Variants in IMMP2L observed in about 807,000 individuals in gnomAD.
IMMP2L encodes the protein inner mitochondrial membrane peptidase subunit 2, also known as mitochondrial inner membrane protease subunit 2.
A neutral mutation model predicts 19.3 loss-of-function variants in IMMP2L; 18 were observed. The ratio of observed to expected loss-of-function variants is 0.93; its 90% CI spans 0.64 to 1.38. The LOEUF is 1.38. Ranked by LOEUF, IMMP2L falls within the 40% of genes most tolerant of loss-of-function variation. The pLI, the probability that IMMP2L is intolerant of heterozygous loss-of-function variation, is 0.00. For missense variants in IMMP2L, 233 were observed against 218.2 expected, an observed-to-expected ratio of 1.07 and a Z score of -0.43; for synonymous variants, 76 against 73.0, an observed-to-expected ratio of 1.04 and a Z score of -0.21.
At chr7:110,845,322 G>A (rs799618) in intron 5 of IMMP2L, among the ~76,000 whole-genome samples, 91,793 of 151,858 alleles carry the variant, frequency 0.6, 29,473 homozygotes, top group East Asian at 0.85. Flanking sequence ...GAGCTTTTGA[G>A]AAGTATCAGC....
chr7:110,906,766 G>T (rs1812500851), intron 4 of IMMP2L, among the ~76,000 whole-genome samples: 1 of 152,006 alleles, frequency 6.6e-6, no homozygotes, highest in Non-Finnish European at 1.5e-5. Flanking sequence ...AGGGATACAT[G>T]AGTTAATATT....
At chr7:111,057,141 T>C (rs1212459894) in intron 3 of IMMP2L, among the ~76,000 whole-genome samples, 3 of 152,222 alleles carry the variant, frequency 2.0e-5, no homozygotes, top group Non-Finnish European at 4.4e-5. Context: ...TAACTAATTT[T>C]AAGATGCTCT....
At chr7:110,945,316 T>C (rs1817143691) in intron 4 of IMMP2L, among the ~76,000 whole-genome samples, 1 of 151,978 alleles carries the variant, frequency 6.6e-6, no homozygotes. Flanking sequence ...GAAGAATGGA[T>C]TGGCATGGGT....
intron 2 of IMMP2L, among the ~76,000 whole-genome samples, chr7:111,508,923 C>T (rs1845192655): frequency 6.6e-6 from 1 of 152,116 alleles, no homozygotes; most frequent in Non-Finnish European, 1.5e-5. Flanking sequence ...CATTTGGCTG[C>T]TTCCTGCCAC....
chr7:111,162,544 C>T (rs1468481341), intron 3 of IMMP2L, among the ~76,000 whole-genome samples: 1 of 151,974 alleles, frequency 6.6e-6, no homozygotes, highest in Admixed American at 6.6e-5. Flanking sequence ...ATATCCTCCA[C>T]AGGGATTCAT....
At chr7:110,964,993 G>C (rs1585482351) in intron 3 of IMMP2L, among the ~76,000 whole-genome samples, 1 of 152,044 alleles carries the variant, frequency 6.6e-6, no homozygotes, top group East Asian at 1.9e-4. Flanking sequence ...CCTTGAGTCA[G>C]AACCACACAG....
In IMMP2L at chr7:110,877,317, G is replaced by C. The variant is rs1809176469; in HGVS notation, c.408+9276C>G. Among the ~76,000 whole-genome samples the C allele has an allele frequency of 6.6e-6, 1 of 152,136 alleles. No homozygotes were observed. The highest frequency in any genetic ancestry group is 2.4e-5 in the African/African-American group (1 of 41,440). On this transcript the variant is annotated intron_variant, in intron 5 of 5. Transcript: ENST00000405709. This position sits in a 1 kb window ranked among gnomAD's most constrained non-coding sequence, Gnocchi z 4.0. ...CAAGGATGAGTTAGCTCCCATAGTT[G>C]CCTTGGCAAAGTTCACAGTCTTTTC... is the stretch of plus-strand genomic sequence containing the variant.
Position 111,433,274 on chromosome 7 carries a change from C to T in IMMP2L, c.239+53964G>A, listed in dbSNP as rs1000378546. Among the ~76,000 whole-genome samples the T allele has an allele frequency of 4.4e-4, 66 of 151,670 alleles. 3 individuals carry two copies. Among genetic ancestry groups the T allele is most frequent in the African/African-American group, 1.5e-3 (63 of 41,084 alleles). ...GGGGGAAACCACCCCAGTATTAGTC[C>T]GTTTTCACACTGCTGATAAAGACAT... On this transcript the variant is annotated intron_variant, in intron 3 of 5. Coordinates refer to ENST00000405709, the MANE Select transcript of IMMP2L (RefSeq NM_032549.4).
chr7:111,401,149 C>CA (rs1332867993), intron 3 of IMMP2L, among the ~76,000 whole-genome samples: 1 of 152,116 alleles, frequency 6.6e-6, no homozygotes, highest in African/African-American at 2.4e-5. Context: ...CCCAAAAACT[C>CA]AGCCTCTTGA....
At chr7:110,873,884 A>G (rs2129544123) in intron 5 of IMMP2L, among the ~76,000 whole-genome samples, 1 of 152,162 alleles carries the variant, frequency 6.6e-6, no homozygotes, top group Middle Eastern at 3.4e-3. Context: ...GGGGAGAAGT[A>G]GAAAAAATAA....
At chr7:111,554,041 G>A (rs997062178) in intron 1 of IMMP2L, among the ~76,000 whole-genome samples, 5 of 152,100 alleles carry the variant, frequency 3.3e-5, no homozygotes, top group Non-Finnish European at 7.4e-5. Context: ...AGGAATTCAA[G>A]AATCTAATCT....
intron 5 of IMMP2L, among the ~76,000 whole-genome samples, chr7:110,801,876 C>T (rs1239018430): frequency 1.3e-5 from 2 of 151,996 alleles, no homozygotes; most frequent in Admixed American, 1.3e-4. Flanking sequence ...GCCTTGTATG[C>T]CTATCTCTGT....
chr7:111,471,050 A>G (rs1475490173), intron 3 of IMMP2L, among the ~76,000 whole-genome samples: 2 of 152,002 alleles, frequency 1.3e-5, no homozygotes, highest in African/African-American at 4.8e-5. Flanking sequence ...ATGAAGAAAC[A>G]TTTGTATCGT....
At position 110,938,717 on chromosome 7, in the gene IMMP2L, T is replaced by C. The variant is rs561543841; in HGVS notation, c.305+24783A>G. Among the ~76,000 whole-genome samples, 156 of 152,248 alleles carry C rather than the reference T, an allele frequency of 1.0e-3. 8 individuals carry two copies. In the South Asian group the frequency reaches 0.032, roughly 31 times the overall value. On this transcript the variant is annotated intron_variant, in intron 4 of 5. Transcript: ENST00000405709. ...TATCCATGTAACAAAACTGCACTTT[T>C]ACCCCCTAAATCTACAAAACAATAC...
chr7:111,059,100 A>C (rs1793778136), intron 3 of IMMP2L, among the ~76,000 whole-genome samples: 1 of 151,996 alleles, frequency 6.6e-6, no homozygotes, highest in African/African-American at 2.4e-5. Context: ...CTCCTGCCTC[A>C]GCCTCCCAAG....
chr7:110,764,400 C>A (rs1210966438), intron 5 of IMMP2L, among the ~76,000 whole-genome samples: 1 of 151,846 alleles, frequency 6.6e-6, no homozygotes, highest in Non-Finnish European at 1.5e-5. Flanking sequence ...ATATATGAGT[C>A]CCCCCACTCA....
At chr7:111,547,043 GTAAGTTT>G (rs1421328142) in intron 1 of IMMP2L, among the ~76,000 whole-genome samples, 4 of 152,136 alleles carry the variant, frequency 2.6e-5, no homozygotes, top group African/African-American at 9.7e-5. Context: ...GCCAATTTAA[GTAAGTTT>G]TTCTTAATCT....
At chr7:110,782,526 C>CT (rs930658158) in intron 5 of IMMP2L, among the ~76,000 whole-genome samples, 2 of 151,644 alleles carry the variant, frequency 1.3e-5, no homozygotes, top group Non-Finnish European at 2.9e-5. Flanking sequence ...CTTTTTAAGA[C>CT]TTTTTTTGTA....
At chr7:110,801,139 T>C (rs779313238) in intron 5 of IMMP2L, among the ~76,000 whole-genome samples, 6 of 152,082 alleles carry the variant, frequency 3.9e-5, no homozygotes, top group Non-Finnish European at 7.4e-5. Flanking sequence ...TAGTTGAAAA[T>C]GTTTCTACAC....
Sources: allele counts gnomAD v4.1 joint callset (sites outside exome capture counted in the v4.1 genomes callset), GRCh38; gene constraint gnomAD v4.1.1; non-coding constraint Gnocchi (gnomAD v3.1); transcripts MANE v1.5; gene names NCBI Gene and HGNC (gene_info 2026-07-23, HGNC 2026-07-21).